Variants in DOCK1 observed in about 807,000 individuals in gnomAD.
DOCK1 encodes the protein dedicator of cytokinesis 1, also known as dedicator of cytokinesis protein 1.
Under a neutral mutation model 262.7 loss-of-function variants are expected in DOCK1, and 138 were observed. The observed-to-expected ratio is 0.53, with a 90% confidence interval of 0.46 to 0.61. The LOEUF is 0.61. Ranked by LOEUF, DOCK1 falls within the 20% of genes least tolerant of loss-of-function variation. The pLI, the probability that DOCK1 is intolerant of heterozygous loss-of-function variation, is 0.00. For missense variants in DOCK1, 1,908 were observed against 2,370.7 expected, an observed-to-expected ratio of 0.80 and a Z score of 4.05; for synonymous variants, 866 against 867.4, an observed-to-expected ratio of 1.00 and a Z score of 0.03.
intron 27 of DOCK1, among the ~76,000 whole-genome samples, chr10:127,186,101 T>C (rs1369619352): frequency 6.6e-6 from 1 of 152,184 alleles, no homozygotes; most frequent in East Asian, 1.9e-4. Flanking sequence ...CTCTAGAGGA[T>C]GAATCACTGG....
Position 127,176,018 on chromosome 10 carries a change from G to C in DOCK1, c.2847+48254G>C, listed in dbSNP as rs367902185. ...GATCTGCAGCTGGGAGGCTTTTGAG[G>C]TTCCCCTTTTTGCGGTCCAGAGGGA... is the stretch of plus-strand genomic sequence containing the variant. On this transcript the variant is annotated intron_variant, in intron 27 of 51. Transcript: ENST00000623213. This position sits in a 1 kb window ranked among gnomAD's most constrained non-coding sequence, Gnocchi z 4.4. The C allele has an allele frequency of 1.2e-6, 2 of 1,614,142 alleles. No individual in the cohort carries two copies. Among genetic ancestry groups the C allele is most frequent in the South Asian group, 2.2e-5 (2 of 91,074 alleles).
intron 1 of DOCK1, among the ~76,000 whole-genome samples, chr10:126,945,349 G>A (rs2035309687): frequency 6.6e-6 from 1 of 151,980 alleles, no homozygotes; most frequent in South Asian, 2.1e-4. Context: ...TCCCACGTGG[G>A]CCTCTCCATA....
intron 27 of DOCK1, among the ~76,000 whole-genome samples, chr10:127,187,023 G>A (rs1244775911): frequency 2.6e-5 from 4 of 152,188 alleles, no homozygotes; most frequent in African/African-American, 9.7e-5. Context: ...AGGGCCAGTT[G>A]CAGCAACCCC....
At chr10:127,039,945 T>C (rs1252060371) in intron 19 of DOCK1, among the ~76,000 whole-genome samples, 40 of 152,206 alleles carry the variant, frequency 2.6e-4, no homozygotes, top group Admixed American at 2.6e-3. Flanking sequence ...TGAAGCCCTT[T>C]CATGGCTCCG....
At chr10:127,033,330 T>G (rs2043372483) in intron 18 of DOCK1, among the ~76,000 whole-genome samples, 1 of 152,212 alleles carries the variant, frequency 6.6e-6, no homozygotes, top group Non-Finnish European at 1.5e-5. Flanking sequence ...CGTGCCCTTG[T>G]GTGGGGTTTG....
chr10:127,356,135 C>T (rs1363501247), intron 32 of DOCK1, among the ~76,000 whole-genome samples: 2 of 152,226 alleles, frequency 1.3e-5, no homozygotes, highest in African/African-American at 4.8e-5. Flanking sequence ...AATCTGAGTA[C>T]TGGGTCTCAG....
chr10:126,915,856 G>A (rs1249390317), intron 1 of DOCK1, among the ~76,000 whole-genome samples: 1 of 152,054 alleles, frequency 6.6e-6, no homozygotes, highest in Non-Finnish European at 1.5e-5. Flanking sequence ...AATTCTTTTG[G>A]CCTCAGAAGG....
At chr10:127,352,715 C>T (rs2063944617) in intron 31 of DOCK1, among the ~76,000 whole-genome samples, 1 of 152,146 alleles carries the variant, frequency 6.6e-6, no homozygotes, top group Admixed American at 6.5e-5. Flanking sequence ...GCCTCAGACT[C>T]CCAAGTAGCT....
chr10:127,051,817 A>G (rs2044742452), intron 21 of DOCK1, among the ~76,000 whole-genome samples: 2 of 152,124 alleles, frequency 1.3e-5, no homozygotes, highest in African/African-American at 4.8e-5. Flanking sequence ...TCCTGAGTTG[A>G]AGTGATTCAC....
Position 127,175,672 on chromosome 10 carries a change from G to C in DOCK1, c.2847+47908G>C. 1 of 1,613,716 alleles carries C rather than the reference G, an allele frequency of 6.2e-7. No individual in the cohort carries two copies. The highest frequency in any genetic ancestry group is 2.2e-5 in the East Asian group (1 of 44,878). ...TTAAACACCCTCCTGAGGGCAGGTG[G>C]AGCGGGCTCCTCGGAGTTTGGCCTC... On this transcript the variant is annotated intron_variant, in intron 27 of 51. Transcript: ENST00000623213. This position sits in a 1 kb window ranked among gnomAD's most constrained non-coding sequence, Gnocchi z 6.3.
intron 32 of DOCK1, among the ~76,000 whole-genome samples, chr10:127,360,818 C>T (rs959723993): frequency 6.6e-6 from 1 of 152,174 alleles, no homozygotes; most frequent in Non-Finnish European, 1.5e-5. Flanking sequence ...GACCCAGGTT[C>T]AAATCCTGCT....
chr10:127,406,276 G>A (rs147366885), intron 40 of DOCK1, among the ~76,000 whole-genome samples: 68 of 152,304 alleles, frequency 4.5e-4, no homozygotes, highest in Non-Finnish European at 7.8e-4. Context: ...GGGCAGTGCC[G>A]GGTGCGGAGG....
chr10:127,395,331 A>G (rs1323295259), intron 38 of DOCK1, among the ~76,000 whole-genome samples: 1 of 151,996 alleles, frequency 6.6e-6, no homozygotes, highest in Non-Finnish European at 1.5e-5. Flanking sequence ...CTGAGTAGTC[A>G]TGTCCTGGCA....
At chr10:127,003,885 C>T (rs1388926992) in intron 10 of DOCK1, among the ~76,000 whole-genome samples, 3 of 151,982 alleles carry the variant, frequency 2.0e-5, no homozygotes, top group South Asian at 2.1e-4. Context: ...ACCTGGGAGG[C>T]GGAGGTTGCA....
At chr10:127,068,709 C>T (rs1333730784) in intron 23 of DOCK1, among the ~76,000 whole-genome samples, 1 of 152,026 alleles carries the variant, frequency 6.6e-6, no homozygotes, top group Non-Finnish European at 1.5e-5. Flanking sequence ...TAGCATTATC[C>T]TATATATATA....
At chr10:127,259,789 ATTTT>A (rs10534535) in intron 29 of DOCK1, among the ~76,000 whole-genome samples, 5 of 144,998 alleles carry the variant, frequency 3.4e-5, no homozygotes, top group Non-Finnish European at 6.0e-5. Flanking sequence ...TTAGTTCATG[ATTTT>A]TTTTTTTTTT....
intron 4 of DOCK1, 110 bp from the exon 5 acceptor site, chr10:126,987,411 C>A (rs1054150185): frequency 1.3e-6 from 1 of 747,842 alleles, no homozygotes; most frequent in African/African-American, 1.8e-5. Context: ...GATTTTCTTC[C>A]CATTTGCTTA....
intron 27 of DOCK1, among the ~76,000 whole-genome samples, chr10:127,182,336 C>T (rs2055816968): frequency 6.6e-6 from 1 of 152,124 alleles, no homozygotes. Context: ...GTTGCTTTAG[C>T]CACATAATGT....
chr10:127,005,639 G>T (rs1377841841), intron 10 of DOCK1, among the ~76,000 whole-genome samples: 1 of 152,190 alleles, frequency 6.6e-6, no homozygotes, highest in Non-Finnish European at 1.5e-5. Flanking sequence ...ATAGAAAATT[G>T]TAAAAATAAT....
Sources: gnomAD v4.1 joint callset for allele counts (sites outside exome capture counted in the v4.1 genomes callset) on GRCh38, gnomAD v4.1.1 for gene constraint, Gnocchi (gnomAD v3.1) non-coding constraint, MANE v1.5 for transcripts, NCBI Gene and HGNC (gene_info 2026-07-23, HGNC 2026-07-21) for gene names.